The following CD36 variants were observed in gnomAD, a reference collection of about 807,000 sequenced individuals.
CD36 encodes the protein platelet glycoprotein 4.
A neutral mutation model predicts 55.2 loss-of-function variants in CD36; 119 were observed. That is an observed-to-expected ratio of 2.15 (90% CI 1.86 to 2.51). The LOEUF is 2.51. Among genes scored for constraint, CD36 ranks in the 30% most tolerant of loss-of-function variants. The pLI is 0.00. For missense variants in CD36, 819 were observed against 555.5 expected, an observed-to-expected ratio of 1.47 and a Z score of -4.77; for synonymous variants, 186 against 193.6, an observed-to-expected ratio of 0.96 and a Z score of 0.33.
chr7:80,625,132 G>A (rs185109666), intron 1 of CD36: 1 of 152,208 alleles, frequency 6.6e-6, no homozygotes, highest in East Asian at 1.9e-4. Flanking sequence ...TAAAAAATTA[G>A]CCATTAAAGA....
chr7:80,648,303 C>T (rs377638377), intron 3 of CD36, among the ~76,000 whole-genome samples: 6 of 152,026 alleles, frequency 3.9e-5, no homozygotes, highest in South Asian at 2.1e-4. Context: ...TCTGTGTTAA[C>T]GTACAGACTA....
At chr7:80,664,070 C>G (rs1796787133) in intron 6 of CD36, among the ~76,000 whole-genome samples, 1 of 151,932 alleles carries the variant, frequency 6.6e-6, no homozygotes, top group Admixed American at 6.6e-5. Context: ...TTAGAATACC[C>G]CTAGAAATCA....
chr7:80,610,034 G>GA (rs953353798), intron 1 of CD36, among the ~76,000 whole-genome samples: 1 of 152,126 alleles, frequency 6.6e-6, no homozygotes, highest in African/African-American at 2.4e-5. Flanking sequence ...GCCTTCCTTG[G>GA]AAAACAAGGA....
At chr7:80,603,769 CAAAA>C (rs371964967) in intron 1 of CD36, among the ~76,000 whole-genome samples, 4 of 94,380 alleles carry the variant, frequency 4.2e-5, no homozygotes, top group Non-Finnish European at 4.5e-5. Context: ...TACAGTCAGG[CAAAA>C]AAAAAAAAAA....
intron 1 of CD36, among the ~76,000 whole-genome samples, chr7:80,616,566 T>C (rs1584280158): frequency 6.6e-6 from 1 of 152,214 alleles, no homozygotes; most frequent in East Asian, 1.9e-4. Context: ...ATTTGACAAA[T>C]ACTATGAAAA....
chr7:80,633,239 C>T (rs1794190281), intron 1 of CD36: 1 of 151,868 alleles, frequency 6.6e-6, no homozygotes, highest in African/African-American at 2.4e-5. Flanking sequence ...TTAGGTCTGC[C>T]AACATTTTTA....
At chr7:80,676,061 C>CTGAT (rs1171816368) in intron 14 of CD36, 5 of 152,106 alleles carry the variant, frequency 3.3e-5, no homozygotes, top group Non-Finnish European at 4.4e-5. Flanking sequence ...AGAAACTGAA[C>CTGAT]TGATTAATAA....
Position 80,664,441 on chromosome 7 carries a change from C to T in CD36, c.645C>T (p.Phe215=). 6.3e-7 allele frequency: 1 copy of T among 1,578,582 alleles called. No homozygotes were observed. Among genetic ancestry groups the T allele is most frequent in the Non-Finnish European group, 8.7e-7 (1 of 1,148,046 alleles). The stretch of plus-strand genomic sequence containing the variant: ...CTGCAGATGGAGTTTATAAAGTTTT[C>T]AATGGAAAAGATAACATAAGTAAAG... ...NNTADGVYKV[F]NGKDNISKVA... Residue 215 remains phenylalanine (F), a synonymous_variant, in exon 7 of 15, where the codon TTC becomes TTT. Coordinates refer to ENST00000447544, the MANE Select transcript of CD36 (RefSeq NM_001001548.3).
chr7:80,673,420 G>A lies in CD36; in HGVS notation c.1254+11G>A. ...CTTTGGCTTAATGAGGTTTGTATTT[G>A]CAGCTGTTAGTCATTAAAAACAACC... On this transcript the variant is annotated intron_variant, in intron 13 of 14. Transcript: ENST00000447544. The A allele has an allele frequency of 6.5e-7, 1 of 1,533,390 alleles. No homozygotes were observed. Among genetic ancestry groups the A allele is most frequent in the South Asian group, 1.1e-5 (1 of 89,354 alleles). The allele number at this position is 1,533,390 out of a possible 1,614,324, so 95.0% of individuals were successfully genotyped here. A position where few individuals can be genotyped will look rare whatever the true frequency, so the allele number is the denominator to read the frequency against.
chr7:80,603,852 T>C lies in CD36; in HGVS notation c.-184+1473T>C, dbSNP rs77167241. Among the ~76,000 whole-genome samples, 597 of 151,022 alleles carry C rather than the reference T, an allele frequency of 4.0e-3. 4 individuals carry two copies. The highest frequency in any genetic ancestry group is 0.014 in the African/African-American group (562 of 41,048). On this transcript the variant is annotated intron_variant, in intron 1 of 13. Transcript: ENST00000309881. ...AAGGTTGTAGAGTGGGATGATTAAA[T>C]GGAAGGAAATGTTTCAGAGCAAAGA...
chr7:80,615,728 A>G (rs919103854), intron 1 of CD36, among the ~76,000 whole-genome samples: 3 of 152,144 alleles, frequency 2.0e-5, no homozygotes, highest in Admixed American at 6.5e-5. Flanking sequence ...TTGAAGTTGT[A>G]TTATTTCTTT....
At chr7:80,649,093 G>A (rs1795401673) in intron 3 of CD36, among the ~76,000 whole-genome samples, 1 of 152,110 alleles carries the variant, frequency 6.6e-6, no homozygotes, top group Non-Finnish European at 1.5e-5. Context: ...TGAATTTAGA[G>A]ATTAGATGGC....
chr7:80,656,498 T>C, intron 3 of CD36, 42 bp from the exon 4 acceptor site: 1 of 1,591,036 alleles, frequency 6.3e-7, no homozygotes. Context: ...GTGCCTGTAC[T>C]TACTACAAAG....
chr7:80,652,010 T>C (rs1795664551), intron 3 of CD36, among the ~76,000 whole-genome samples: 1 of 152,160 alleles, frequency 6.6e-6, no homozygotes, highest in Non-Finnish European at 1.5e-5. Context: ...CCAGATATAA[T>C]AAAATAATTT....
At chr7:80,622,799 T>A (rs2115922873) in intron 1 of CD36, among the ~76,000 whole-genome samples, 2 of 152,326 alleles carry the variant, frequency 1.3e-5, no homozygotes, top group South Asian at 4.1e-4. Context: ...TAAAGAATTG[T>A]CCTCTGTGTA....
chr7:80,643,964 C>T (rs1027016266), intron 1 of CD36, among the ~76,000 whole-genome samples: 4 of 152,072 alleles, frequency 2.6e-5, no homozygotes, highest in Non-Finnish European at 4.4e-5. Flanking sequence ...TATTATGTAC[C>T]TAATAAACTA....
At chr7:80,607,285 A>G (rs1209891695) in intron 1 of CD36, among the ~76,000 whole-genome samples, 1 of 152,186 alleles carries the variant, frequency 6.6e-6, no homozygotes, top group Non-Finnish European at 1.5e-5. Flanking sequence ...AAGAAGAAAA[A>G]GAAAAGCACT....
At chr7:80,672,667 C>G in intron 11 of CD36, 103 bp from the exon 12 acceptor site, 1 of 790,944 alleles carries the variant, frequency 1.3e-6, no homozygotes, top group Non-Finnish European at 2.2e-6. Context: ...TCCTGTTTAA[C>G]CTTAAGTTAC....
intron 4 of CD36, among the ~76,000 whole-genome samples, chr7:80,658,508 T>G (rs1409268402): frequency 6.6e-6 from 1 of 152,158 alleles, no homozygotes; most frequent in Non-Finnish European, 1.5e-5. Context: ...TTGTTTATTT[T>G]TTGAGGCAAG....
Sources: gnomAD v4.1 joint callset for allele counts (sites outside exome capture counted in the v4.1 genomes callset) on GRCh38, gnomAD v4.1.1 for gene constraint, MANE v1.5 for transcripts, NCBI Gene and HGNC (gene_info 2026-07-23, HGNC 2026-07-21) for gene names.